The following MMP26 variants were observed in gnomAD, a reference collection of about 807,000 sequenced individuals.
MMP26 encodes matrix metallopeptidase 26, also known as matrix metalloproteinase-26.
A neutral mutation model predicts 31.0 loss-of-function variants in MMP26; 33 were observed. That is an observed-to-expected ratio of 1.06 (90% confidence interval 0.81 to 1.42). The LOEUF (loss-of-function observed/expected upper bound fraction) is 1.42, where lower values mean the gene tolerates loss of function less well. MMP26 is among the 40% of genes most tolerant of loss of function. The pLI, the probability that MMP26 is intolerant of heterozygous loss-of-function variation, is 0.00. For synonymous variants in MMP26, 122 were observed against 114.9 expected (o/e 1.06, Z -0.40); for missense variants, 347 against 316.1 (o/e 1.10, Z -0.74).
intron 2 of MMP26, among the ~76,000 whole-genome samples, chr11:4,986,143 A>G (rs573100935): frequency 6.6e-6 from 1 of 151,966 alleles, no homozygotes; most frequent in African/African-American, 2.4e-5. Context: ...TTTGAAGCGA[A>G]TTTTCTCTAT....
At chr11:4,904,295 T>C (rs1850849442) in intron 2 of MMP26, among the ~76,000 whole-genome samples, 1 of 152,072 alleles carries the variant, frequency 6.6e-6, no homozygotes, top group Admixed American at 6.5e-5. Context: ...ATTGCCATGC[T>C]GAGATTTAAA....
chr11:4,950,451 C>T (rs1229708034), intron 2 of MMP26, among the ~76,000 whole-genome samples: 1 of 120,548 alleles, frequency 8.3e-6, no homozygotes, highest in Non-Finnish European at 1.9e-5. Flanking sequence ...ACTGCATGTT[C>T]TCACTTAGAT....
At chr11:4,833,877 T>C (rs1242107565) in intron 2 of MMP26, among the ~76,000 whole-genome samples, 1 of 152,170 alleles carries the variant, frequency 6.6e-6, no homozygotes, top group African/African-American at 2.4e-5. Flanking sequence ...CATATGTATT[T>C]CCACCATGAT....
At chr11:4,843,638 A>G (rs1318323230) in intron 2 of MMP26, among the ~76,000 whole-genome samples, 2 of 152,234 alleles carry the variant, frequency 1.3e-5, no homozygotes, top group Non-Finnish European at 2.9e-5. Flanking sequence ...CCAGGCCTGT[A>G]GTGGGAGGGG....
intron 5 of MMP26, 110 bp downstream of exon 5, chr11:4,990,856 A>G: frequency 8.3e-7 from 1 of 1,202,584 alleles, no homozygotes; most frequent in Non-Finnish European, 1.1e-6. Context: ...CTGAGAAAAA[A>G]AGTCTGACAA....
chr11:4,873,952 T>C (rs886602773), intron 2 of MMP26, among the ~76,000 whole-genome samples: 18 of 152,046 alleles, frequency 1.2e-4, no homozygotes, highest in Non-Finnish European at 4.4e-5. Context: ...GACAGAGAGA[T>C]ACAGGTAAAG....
At chr11:4,898,986 A>G (rs2133556662) in intron 2 of MMP26, among the ~76,000 whole-genome samples, 3 of 152,218 alleles carry the variant, frequency 2.0e-5, no homozygotes. Context: ...CTACAGAAAA[A>G]TCTGGAACTG....
chr11:4,852,683 A>G (rs534783422), intron 2 of MMP26, among the ~76,000 whole-genome samples: 64 of 152,268 alleles, frequency 4.2e-4, no homozygotes, highest in African/African-American at 1.5e-3. Flanking sequence ...TTGAAAATAA[A>G]ACCACCATAT....
intron 2 of MMP26, among the ~76,000 whole-genome samples, chr11:4,771,741 G>C (rs1346692730): frequency 6.6e-6 from 1 of 152,094 alleles, no homozygotes; most frequent in African/African-American, 2.4e-5. Context: ...CTAGTATTCT[G>C]TGGTTTATTT....
rs370053539 is a variant in MMP26 at position 4,782,196 on chromosome 11, G to A, written c.-145+14855G>A. ...CTCAGAAGAAGACAGGAAAATGTGGGAAAGTTTAGAACTCCCTAGGGTCTT... is the reference window on the plus strand; with the variant it reads ...CTCAGAAGAAGACAGGAAAATGTGGAAAAGTTTAGAACTCCCTAGGGTCTT... On this transcript the variant is annotated intron_variant, in intron 2 of 7. Coordinates refer to ENST00000380390, the MANE Select transcript of MMP26 (RefSeq NM_021801.5). Among the ~76,000 whole-genome samples the A allele has an allele frequency of 4.3e-4, 65 of 152,270 alleles. No homozygotes were observed. The East Asian group carries it at 0.011, about 25-fold the overall frequency.
chr11:4,973,439 G>A (rs1344119006), intron 2 of MMP26: 1 of 152,386 alleles, frequency 6.6e-6, no homozygotes, highest in Non-Finnish European at 1.5e-5. Flanking sequence ...GAGAGAAAAA[G>A]CAAGCCCAAT....
intron 2 of MMP26, among the ~76,000 whole-genome samples, chr11:4,934,313 TC>T (rs1446178205): frequency 6.7e-6 from 1 of 148,366 alleles, no homozygotes; most frequent in South Asian, 2.1e-4. Flanking sequence ...TTTGAATTTC[TC>T]TGATGGCCAG....
At chr11:4,929,668 G>A (rs999127727) in intron 2 of MMP26, among the ~76,000 whole-genome samples, 4 of 152,034 alleles carry the variant, frequency 2.6e-5, no homozygotes, top group Non-Finnish European at 4.4e-5. Context: ...CTGTTGTGAG[G>A]TTGGCTCCAG....
chr11:4,944,824 A>G (rs1589946903), intron 2 of MMP26: 1 of 152,100 alleles, frequency 6.6e-6, no homozygotes, highest in Non-Finnish European at 1.5e-5. Flanking sequence ...TGATATGCCT[A>G]TATTTGAAAT....
At chr11:4,782,027 G>C (rs76330500) in intron 2 of MMP26, among the ~76,000 whole-genome samples, 2,873 of 152,156 alleles carry the variant, frequency 0.019, 87 homozygotes, top group African/African-American at 0.066. Context: ...GCTCAGTCTT[G>C]GGTATGTCTT....
At position 4,829,884 on chromosome 11, in the gene MMP26, T is replaced by C. The variant is rs1361807206; in HGVS notation, c.-145+62543T>C. Among the ~76,000 whole-genome samples the C allele has an allele frequency of 3.3e-5, 5 of 152,292 alleles. No individual in the cohort carries two copies. In the East Asian group the frequency reaches 9.7e-4, roughly 29 times the overall value. On this transcript the variant is annotated intron_variant, in intron 2 of 7. Coordinates refer to ENST00000380390, the MANE Select transcript of MMP26 (RefSeq NM_021801.5). Reference sequence around the variant, plus strand: ...ATCTTAGATAGAGCCATTGCTGGATTTGGGCTGTCTTTGATAATGCCTTAG... The same window carrying C: ...ATCTTAGATAGAGCCATTGCTGGATCTGGGCTGTCTTTGATAATGCCTTAG...
intron 2 of MMP26, among the ~76,000 whole-genome samples, chr11:4,799,351 T>C (rs1849150563): frequency 6.6e-6 from 1 of 151,700 alleles, no homozygotes; most frequent in South Asian, 2.1e-4. Flanking sequence ...ATGGTAAGAA[T>C]GGGAGCAGGA....
intron 2 of MMP26, among the ~76,000 whole-genome samples, chr11:4,770,317 A>T (rs967071246): frequency 1.3e-5 from 2 of 152,256 alleles, no homozygotes; most frequent in African/African-American, 2.4e-5. Flanking sequence ...GCCACTTAAA[A>T]ATATCCATGG....
chr11:4,761,914 C>T (rs1296040568), intron 1 of MMP26, among the ~76,000 whole-genome samples: 2 of 152,010 alleles, frequency 1.3e-5, no homozygotes, highest in Admixed American at 1.3e-4. Context: ...AAGTCAAGGG[C>T]TCCATGGGAA....
Sources: allele counts gnomAD v4.1 joint callset (sites outside exome capture counted in the v4.1 genomes callset), GRCh38; gene constraint gnomAD v4.1.1; transcripts MANE v1.5; gene names NCBI Gene and HGNC (gene_info 2026-07-23, HGNC 2026-07-21).